Variants in POC1A observed in about 807,000 individuals in gnomAD.
The protein encoded by POC1A is POC1 centriolar protein A, also known as POC1 centriolar protein homolog A.
Under a neutral mutation model 47.8 loss-of-function variants are expected in POC1A, and 34 were observed. That is an observed-to-expected ratio of 0.71 (90% CI 0.54 to 0.95). POC1A has a LOEUF of 0.95. Among genes scored for constraint, POC1A ranks in the 40% least tolerant of loss-of-function variants. The pLI is 0.00. For synonymous variants in POC1A, 177 were observed against 207.6 expected, an observed-to-expected ratio of 0.85 and a Z score of 1.27; for missense variants, 466 against 528.3, an observed-to-expected ratio of 0.88 and a Z score of 1.16.
chr3:52,093,020 G>A (rs955526570), intron 10 of POC1A, among the ~76,000 whole-genome samples: 19 of 152,150 alleles, frequency 1.2e-4, no homozygotes, highest in African/African-American at 2.2e-4. Context: ...GCCCTTGCTC[G>A]CGTCTCAACT....
At chr3:52,151,300 C>T (rs1292078063) in intron 1 of POC1A, 200 bp from the exon 2 acceptor site, 15 of 616,068 alleles carry the variant, frequency 2.4e-5, no homozygotes, top group South Asian at 1.4e-4. Flanking sequence ...AATACATCAA[C>T]TGTGGAAATG....
At chr3:52,088,940 A>G (rs1475867532) in intron 10 of POC1A, among the ~76,000 whole-genome samples, 1 of 146,564 alleles carries the variant, frequency 6.8e-6, no homozygotes, top group African/African-American at 2.5e-5. Flanking sequence ...CCGACCATGA[A>G]CATTCCCAGG....
At chr3:52,126,152 C>A (rs746538037) in intron 7 of POC1A, among the ~76,000 whole-genome samples, 1 of 152,208 alleles carries the variant, frequency 6.6e-6, no homozygotes, top group South Asian at 2.1e-4. Context: ...CCACCTCAGT[C>A]CCCCCAGACC....
At chr3:52,151,677 A>G (rs1698564040) in intron 1 of POC1A, among the ~76,000 whole-genome samples, 1 of 152,086 alleles carries the variant, frequency 6.6e-6, no homozygotes, top group Non-Finnish European at 1.5e-5. Context: ...TAAAGACGAC[A>G]AAACATCACT....
chr3:52,122,270 C>T (rs1031124938), intron 9 of POC1A, 109 bp downstream of exon 9: 8 of 646,464 alleles, frequency 1.2e-5, no homozygotes, highest in East Asian at 8.1e-5. Flanking sequence ...GTCCCTTTCC[C>T]GAGACAGGCC....
At chr3:52,139,404 C>T (rs1666866943) in intron 6 of POC1A, among the ~76,000 whole-genome samples, 1 of 152,146 alleles carries the variant, frequency 6.6e-6, no homozygotes, top group Admixed American at 6.5e-5. Flanking sequence ...TTCTGGTGTC[C>T]CTCACTCTCC....
intron 9 of POC1A, among the ~76,000 whole-genome samples, chr3:52,106,784 C>T (rs926806685): frequency 2.0e-5 from 3 of 152,226 alleles, no homozygotes; most frequent in Non-Finnish European, 4.4e-5. Flanking sequence ...TCTCCTCACC[C>T]AGGCCCATGG....
At chr3:52,095,478 C>T (rs1424674229) in intron 10 of POC1A, among the ~76,000 whole-genome samples, 6 of 152,198 alleles carry the variant, frequency 3.9e-5, no homozygotes, top group Non-Finnish European at 5.9e-5. Context: ...GGGTCCTTTG[C>T]GTCCTTCATG....
chr3:52,076,127 C>T (rs1279683351), intron 10 of POC1A, 142 bp from the exon 11 acceptor site: 1 of 648,784 alleles, frequency 1.5e-6, no homozygotes, highest in Non-Finnish European at 2.8e-6. Flanking sequence ...TTCTGCCAGG[C>T]CCCTTGTCTC....
intron 1 of POC1A, among the ~76,000 whole-genome samples, chr3:52,152,656 A>C (rs1226832879): frequency 6.6e-6 from 1 of 152,242 alleles, no homozygotes; most frequent in Non-Finnish European, 1.5e-5. Flanking sequence ...CAGCAATTCT[A>C]GGTAAATACC....
At chr3:52,076,985 G>C (rs1164735620) in intron 10 of POC1A, among the ~76,000 whole-genome samples, 1 of 152,296 alleles carries the variant, frequency 6.6e-6, no homozygotes, top group African/African-American at 2.4e-5. Context: ...GGGCAGCACT[G>C]TCTGGGAGCC....
chr3:52,133,054 A>G (rs1431362401), intron 7 of POC1A, among the ~76,000 whole-genome samples: 2 of 152,092 alleles, frequency 1.3e-5, no homozygotes, highest in African/African-American at 4.8e-5. Flanking sequence ...TCAAAAAAAA[A>G]AAAGAAAGAA....
chr3:52,098,992 T>C (rs1702908324), intron 9 of POC1A, among the ~76,000 whole-genome samples: 1 of 152,220 alleles, frequency 6.6e-6, no homozygotes, highest in Non-Finnish European at 1.5e-5. Context: ...GTGCAGGCTC[T>C]TCCCGGACAT....
In POC1A at chr3:52,149,301, A is replaced by T; in HGVS notation, c.364T>A (p.Ser122Thr). 6 of 1,614,218 alleles carry T rather than the reference A, an allele frequency of 3.7e-6. No homozygotes were observed. Among genetic ancestry groups the T allele is most frequent in the Admixed American group, 1.7e-5 (1 of 60,030 alleles). ...CSDGQSFVTA[S>T]DDKTVKVWAT... is the part of the protein sequence containing the mutation. ...CACACTTTGACTGTCTTGTCGTCAGAGGCTGTCACGAAGGACTGGCCATCA... is the reference window on the plus strand; with the variant it reads ...CACACTTTGACTGTCTTGTCGTCAGTGGCTGTCACGAAGGACTGGCCATCA... Residue 122 changes from serine to threonine, a missense_variant, in exon 4 of 11, where the codon TCT becomes ACT. By Grantham distance (58) the Ser-to-Thr change is moderately conservative. Coordinates refer to ENST00000296484, the MANE Select transcript of POC1A (RefSeq NM_015426.5).
chr3:52,145,820 G>A, intron 6 of POC1A, 26 bp downstream of exon 6: 4 of 1,477,844 alleles, frequency 2.7e-6, no homozygotes, highest in Non-Finnish European at 3.8e-6. Flanking sequence ...GCTGCCCTTG[G>A]GCCCAGGAGG....
At chr3:52,149,015 C>A (rs762950158) in intron 4 of POC1A, among the ~76,000 whole-genome samples, 195 bp downstream of exon 4, 13 of 152,164 alleles carry the variant, frequency 8.5e-5, no homozygotes, top group Non-Finnish European at 1.8e-4. Flanking sequence ...TGCATCAGCT[C>A]CATGAAGCTT....
rs1256756713 is a variant in POC1A, at chr3:52,084,700, GC to G, written c.1126-8716del. 1.3e-5 allele frequency among the ~76,000 whole-genome samples: 2 copies of G among 152,210 alleles called. No individual in the cohort carries two copies. Among genetic ancestry groups the G allele is most frequent in the East Asian group, 3.9e-4 (2 of 5,190 alleles). On this transcript the variant is annotated intron_variant, in intron 10 of 10. Coordinates refer to ENST00000296484, the MANE Select transcript of POC1A (RefSeq NM_015426.5). The surrounding 1 kb of genome is among the most constrained non-coding windows in gnomAD (Gnocchi z 4.3). The stretch of plus-strand genomic sequence containing the variant: ...TCTGGGGCAGCCCCTCTTCCCAGGG[GC>G]CTCCTGCTCACCTTGGCCAGGGCCC...
At chr3:52,080,473 G>T (rs1305290562) in intron 10 of POC1A, among the ~76,000 whole-genome samples, 1 of 152,174 alleles carries the variant, frequency 6.6e-6, no homozygotes, top group Non-Finnish European at 1.5e-5. Flanking sequence ...GCCACAGTGG[G>T]AATGGACAGC....
At position 52,122,465 on chromosome 3, in the gene POC1A, T is replaced by A. The variant is rs750196879; in HGVS notation, c.895A>T (p.Lys299Ter). 1 of 1,609,440 alleles carries A rather than the reference T, an allele frequency of 6.2e-7. No homozygotes were observed. The highest frequency in any genetic ancestry group is 8.5e-7 in the Non-Finnish European group (1 of 1,175,810). Residue 299 changes from lysine to a stop codon, truncating the protein, a stop_gained, in exon 9 of 11, where the codon AAG becomes TAG. Coordinates refer to ENST00000296484, the MANE Select transcript of POC1A (RefSeq NM_015426.5). LOFTEE classifies it high-confidence loss of function. ...TGATCAACAATATCAAAGTTACTCTTCCAAACCATCACCTGCCAAAACCAA... is the reference window on the plus strand; with the variant it reads ...TGATCAACAATATCAAAGTTACTCTACCAAACCATCACCTGCCAAAACCAA... The part of the protein sequence containing the change: ...GGSDEQVMVW[K>*]SNFDIVDHGE...
Sources: gnomAD v4.1 joint callset for allele counts (sites outside exome capture counted in the v4.1 genomes callset) on GRCh38, gnomAD v4.1.1 for gene constraint, Gnocchi (gnomAD v3.1) non-coding constraint, MANE v1.5 for transcripts, NCBI Gene and HGNC (gene_info 2026-07-23, HGNC 2026-07-21) for gene names.